CNTN5: variants seen among roughly 807,000 people sequenced by gnomAD.
CNTN5 encodes contactin 5.
CNTN5 carries 77 observed loss-of-function variants against 129.1 expected under a neutral mutation model. That is an observed-to-expected ratio of 0.60 (90% confidence interval 0.50 to 0.72). CNTN5 has a LOEUF of 0.72. CNTN5 is among the 30% of genes least tolerant of loss of function. CNTN5 has a pLI of 0.00. For missense variants in CNTN5, 1,478 were observed against 1,328.8 expected (o/e 1.11, Z -1.75); for synonymous variants, 509 against 465.6 (o/e 1.09, Z -1.20).
At chr11:100,012,309 G>C (rs536457063) in intron 9 of CNTN5, among the ~76,000 whole-genome samples, 6 of 152,236 alleles carry the variant, frequency 3.9e-5, no homozygotes, top group Admixed American at 2.6e-4. Context: ...ACGTGAATTT[G>C]TAAATGGAAA....
At chr11:99,824,979 A>C (rs997145035) in intron 4 of CNTN5, among the ~76,000 whole-genome samples, 3 of 152,014 alleles carry the variant, frequency 2.0e-5, no homozygotes, top group African/African-American at 4.8e-5. Flanking sequence ...ATATAGTAAG[A>C]ATAGCATAGT....
At chr11:100,231,258 G>A (rs1018573295) in intron 16 of CNTN5, among the ~76,000 whole-genome samples, 5 of 152,322 alleles carry the variant, frequency 3.3e-5, no homozygotes, top group Non-Finnish European at 7.3e-5. Context: ...AAAATGTTGA[G>A]TGTTTTAGAG....
intron 1 of CNTN5, among the ~76,000 whole-genome samples, chr11:99,028,677 T>C (rs1259133067): frequency 6.6e-6 from 1 of 150,816 alleles, no homozygotes; most frequent in Non-Finnish European, 1.5e-5. Flanking sequence ...CTCAGAGCCA[T>C]CTAATCTCTC....
At position 99,382,891 on chromosome 11, in the gene CNTN5, C is replaced by G. The variant is rs1006644133; in HGVS notation, c.-71+57407C>G. ...TTTTTTTTTTAGACAGAGTCTCGCT[C>G]TGTCTCCCAGGCTGGAGTGCAGTAG... On this transcript the variant is annotated intron_variant, in intron 2 of 24. Coordinates refer to ENST00000524871, the MANE Select transcript of CNTN5 (RefSeq NM_014361.4). 7.2e-5 allele frequency among the ~76,000 whole-genome samples: 7 copies of G among 97,294 alleles called. No individual in the cohort carries two copies. In the Admixed American group the frequency reaches 7.9e-4, roughly 11 times the overall value. The allele number at this position is 97,294 out of a possible 152,430, so 63.8% of individuals were successfully genotyped here. A position where few individuals can be genotyped will look rare whatever the true frequency, so the allele number is the denominator to read the frequency against.
intron 9 of CNTN5, among the ~76,000 whole-genome samples, chr11:100,031,222 G>A (rs896051539): frequency 3.9e-5 from 6 of 152,134 alleles, no homozygotes; most frequent in East Asian, 1.9e-4. Context: ...CTATTGCTAC[G>A]GAATAAAAGA....
At chr11:99,898,576 G>A (rs956533245) in intron 6 of CNTN5, among the ~76,000 whole-genome samples, 2 of 151,946 alleles carry the variant, frequency 1.3e-5, no homozygotes, top group Non-Finnish European at 2.9e-5. Context: ...CTAGACACAG[G>A]CACTGATGAT....
intron 18 of CNTN5, among the ~76,000 whole-genome samples, chr11:100,273,902 C>A (rs1453520187): frequency 1.3e-5 from 2 of 152,090 alleles, no homozygotes; most frequent in African/African-American, 4.8e-5. Context: ...AAAAAAGAGT[C>A]AAAATAGAGA....
In CNTN5 at chr11:100,178,351, C is replaced by T. The variant is rs1358031051; in HGVS notation, c.1581-12775C>T. Among the ~76,000 whole-genome samples, 7 of 152,256 alleles carry T rather than the reference C, an allele frequency of 4.6e-5. No homozygotes were observed. The South Asian group carries it at 1.0e-3, about 23-fold the overall frequency. Reference sequence around the variant, plus strand: ...TTGTTCCCTTTTTTCTTAAAATCTTCGTCTACTTCCTCCTCCCTGTTCATT... The same window carrying T: ...TTGTTCCCTTTTTTCTTAAAATCTTTGTCTACTTCCTCCTCCCTGTTCATT... On this transcript the variant is annotated intron_variant, in intron 13 of 24. Transcript: ENST00000524871.
At chr11:99,806,810 C>A (rs112945827) in intron 3 of CNTN5, among the ~76,000 whole-genome samples, 4 of 101,836 alleles carry the variant, frequency 3.9e-5, no homozygotes, top group African/African-American at 1.7e-4. Flanking sequence ...CTTCCCCCAC[C>A]CCCTGCAAAA....
intron 6 of CNTN5, among the ~76,000 whole-genome samples, chr11:99,897,158 T>C (rs549183823): frequency 3.7e-4 from 56 of 151,980 alleles, no homozygotes; most frequent in South Asian, 8.3e-4. Context: ...TAAGAGATTA[T>C]GTAATGTAAC....
At chr11:99,900,576 T>G (rs1949329740) in intron 6 of CNTN5, among the ~76,000 whole-genome samples, 1 of 152,104 alleles carries the variant, frequency 6.6e-6, no homozygotes, top group South Asian at 2.1e-4. Context: ...CTTGATGTTG[T>G]TGTTTAACAT....
intron 4 of CNTN5, among the ~76,000 whole-genome samples, chr11:99,820,160 T>C (rs1189586023): frequency 1.6e-5 from 1 of 61,722 alleles, no homozygotes; most frequent in Non-Finnish European, 3.8e-5. Context: ...TAGTCTTCTT[T>C]TCTAAACATC....
Position 99,527,603 on chromosome 11 carries a change from GA to G in CNTN5, c.-70-28533del, listed in dbSNP as rs959046264. ...TCCTACAAAAGTGACAAGGTAAACA[GA>G]AAAAAAAATAACCTCTCTATTTTCA... On this transcript the variant is annotated intron_variant, in intron 2 of 24. Coordinates refer to ENST00000524871, the MANE Select transcript of CNTN5 (RefSeq NM_014361.4). Among the ~76,000 whole-genome samples the G allele has an allele frequency of 2.1e-3, 317 of 150,308 alleles. 2 individuals carry two copies. Among genetic ancestry groups the G allele is most frequent in the African/African-American group, 6.9e-3 (284 of 40,970 alleles).
chr11:99,292,497 CAG>C (rs1864213523), intron 1 of CNTN5, among the ~76,000 whole-genome samples: 1 of 151,988 alleles, frequency 6.6e-6, no homozygotes, highest in Admixed American at 6.6e-5. Flanking sequence ...CTAGGACTTC[CAG>C]TACTATGCTG....
intron 1 of CNTN5, among the ~76,000 whole-genome samples, chr11:99,220,284 A>T (rs1191466600): frequency 6.6e-6 from 1 of 152,034 alleles, no homozygotes; most frequent in Non-Finnish European, 1.5e-5. Flanking sequence ...CCATTTCCTA[A>T]GTTCCTGTGC....
rs867575921 is a variant in CNTN5 at position 99,912,912 on chromosome 11, G to A, written c.578-3142G>A. On this transcript the variant is annotated intron_variant, in intron 6 of 24. Transcript: ENST00000524871. The stretch of plus-strand genomic sequence containing the variant: ...GTGTGTAATTTGAACCTGAATTTTA[G>A]AGTCTTCGTATTGTGATTTTTATTT... Among the ~76,000 whole-genome samples the A allele has an allele frequency of 1.3e-4, 20 of 152,010 alleles. 1 individual carries two copies. The Middle Eastern group carries it at 0.024, about 181-fold the overall frequency.
At chr11:99,130,920 A>G (rs1406409896) in intron 1 of CNTN5, among the ~76,000 whole-genome samples, 1 of 152,172 alleles carries the variant, frequency 6.6e-6, no homozygotes, top group Non-Finnish European at 1.5e-5. Context: ...CAATGAGAAC[A>G]AAGAGACATG....
intron 1 of CNTN5, among the ~76,000 whole-genome samples, chr11:99,156,393 GATTA>G (rs1860335825): frequency 1.3e-5 from 2 of 151,984 alleles, no homozygotes; most frequent in Admixed American, 1.3e-4. Context: ...CAAAGTAAAA[GATTA>G]ATTATCACTC....
intron 12 of CNTN5, among the ~76,000 whole-genome samples, 173 bp from the exon 13 acceptor site, chr11:100,073,971 A>C (rs1304601564): frequency 6.6e-6 from 1 of 152,220 alleles, no homozygotes; most frequent in Non-Finnish European, 1.5e-5. Context: ...ACTAAGGTAC[A>C]TATTAATTAA....
Sources: gnomAD v4.1 joint callset for allele counts (sites outside exome capture counted in the v4.1 genomes callset) on GRCh38, gnomAD v4.1.1 for gene constraint, MANE v1.5 for transcripts, NCBI Gene and HGNC (gene_info 2026-07-23, HGNC 2026-07-21) for gene names.